PEPD: variants seen among roughly 807,000 people sequenced by gnomAD.
The protein encoded by PEPD is xaa-Pro dipeptidase.
In PEPD, 53 loss-of-function variants were observed where a neutral mutation model predicts 60.7. The observed-to-expected ratio is 0.87, with a 90% CI of 0.70 to 1.10. PEPD has a LOEUF of 1.10. Among genes scored for constraint, PEPD ranks in the 50% least tolerant of loss-of-function variants. PEPD has a pLI of 0.00. For synonymous variants in PEPD, 267 were observed against 284.1 expected, an observed-to-expected ratio of 0.94 and a Z score of 0.60; for missense variants, 711 against 711.9, an observed-to-expected ratio of 1.00 and a Z score of 0.01.
intron 3 of PEPD, among the ~76,000 whole-genome samples, chr19:33,510,120 G>A (rs756205033): frequency 6.6e-6 from 1 of 152,218 alleles, no homozygotes; most frequent in Non-Finnish European, 1.5e-5. Context: ...AAACCCTCAG[G>A]CATTTTCACA....
At chr19:33,388,681 T>C (rs980488997) in intron 13 of PEPD, 1 of 187,218 alleles carries the variant, frequency 5.3e-6, no homozygotes, top group Non-Finnish European at 1.1e-5. Flanking sequence ...GCTTGGCAGG[T>C]GTGGCTCCCA....
At chr19:33,441,104 C>A (rs1969472388) in intron 9 of PEPD, among the ~76,000 whole-genome samples, 1 of 152,202 alleles carries the variant, frequency 6.6e-6, no homozygotes, top group Admixed American at 6.5e-5. Flanking sequence ...TTAGATGGTT[C>A]TGGCCCCACC....
At chr19:33,505,285 C>T (rs547136591) in intron 3 of PEPD, among the ~76,000 whole-genome samples, 3 of 152,232 alleles carry the variant, frequency 2.0e-5, no homozygotes, top group African/African-American at 4.8e-5. Flanking sequence ...ATTTGCTCTG[C>T]GGTGGAAGCC....
chr19:33,488,655 T>C (rs915755458), intron 6 of PEPD, among the ~76,000 whole-genome samples: 1 of 152,132 alleles, frequency 6.6e-6, no homozygotes, highest in Admixed American at 6.5e-5. Context: ...CACGAAGATC[T>C]GTGCAGTGAA....
rs138631737 is a variant in PEPD, at chr19:33,421,333, C to T, written c.672-7690G>A. Among the ~76,000 whole-genome samples, 38 of 152,324 alleles carry T rather than the reference C, an allele frequency of 2.5e-4. No individual in the cohort carries two copies. The East Asian group carries it at 6.6e-3, about 26-fold the overall frequency. On this transcript the variant is annotated intron_variant, in intron 9 of 14. Transcript: ENST00000244137. ...GTCCTGAAACTTCCTCCTCTCCATACCTGTGAATGGGGCCCAAACTGGGCT... is the reference window on the plus strand; with the variant it reads ...GTCCTGAAACTTCCTCCTCTCCATATCTGTGAATGGGGCCCAAACTGGGCT...
At chr19:33,406,572 A>C (rs3786901) in intron 11 of PEPD, among the ~76,000 whole-genome samples, 69,362 of 152,152 alleles carry the variant, frequency 0.46, 16,793 homozygotes, top group African/African-American at 0.62. Context: ...CTGGGCTGGG[A>C]CAGGCAGCAG....
chr19:33,501,985 T>G (rs1970722005), intron 3 of PEPD, among the ~76,000 whole-genome samples: 1 of 152,178 alleles, frequency 6.6e-6, no homozygotes, highest in Non-Finnish European at 1.5e-5. Context: ...TGGATGAGGT[T>G]GGGCAGCCCT....
chr19:33,505,405 C>A (rs1329174167), intron 3 of PEPD, among the ~76,000 whole-genome samples: 1 of 152,094 alleles, frequency 6.6e-6, no homozygotes, highest in Non-Finnish European at 1.5e-5. Context: ...CTCACAGGGG[C>A]CACAGAGGGA....
intron 12 of PEPD, among the ~76,000 whole-genome samples, chr19:33,394,471 T>C (rs920367492): frequency 3.3e-5 from 5 of 152,336 alleles, no homozygotes; most frequent in East Asian, 1.9e-4. Context: ...CACAGCTCTC[T>C]TGGCCGGGAG....
intron 1 of PEPD, among the ~76,000 whole-genome samples, chr19:33,521,378 C>CG (rs1971129271): frequency 6.6e-6 from 1 of 152,238 alleles, no homozygotes; most frequent in South Asian, 2.1e-4. Flanking sequence ...TCTCGAATAC[C>CG]GCCTCCTCCG....
At chr19:33,436,867 G>A (rs1477488462) in intron 9 of PEPD, among the ~76,000 whole-genome samples, 3 of 152,168 alleles carry the variant, frequency 2.0e-5, no homozygotes, top group Non-Finnish European at 4.4e-5. Flanking sequence ...GTGATGCCTC[G>A]CTCACAGCAC....
At chr19:33,409,799 T>C (rs1968721359) in intron 11 of PEPD, among the ~76,000 whole-genome samples, 2 of 152,248 alleles carry the variant, frequency 1.3e-5, no homozygotes, top group African/African-American at 4.8e-5. Flanking sequence ...GCCAATTCTT[T>C]CCCCAAGTGC....
intron 9 of PEPD, among the ~76,000 whole-genome samples, chr19:33,447,103 C>T (rs548301803): frequency 2.0e-5 from 3 of 152,328 alleles, no homozygotes; most frequent in South Asian, 2.1e-4. Context: ...CCTGTGCCAC[C>T]GTGCTGCTTC....
intron 7 of PEPD, among the ~76,000 whole-genome samples, chr19:33,475,319 GC>G (rs1054988623): frequency 1.1e-4 from 17 of 151,836 alleles, no homozygotes; most frequent in Admixed American, 6.6e-5. Context: ...ATCATGGAAA[GC>G]CCACCCATTC....
intron 12 of PEPD, chr19:33,395,223 T>TA (rs1307383842): frequency 1.3e-5 from 2 of 152,490 alleles, no homozygotes; most frequent in Non-Finnish European, 2.9e-5. Flanking sequence ...CCTCTCTGAT[T>TA]ACCCCTTCCT....
chr19:33,428,997 T>C, intron 9 of PEPD, among the ~76,000 whole-genome samples: 1 of 152,212 alleles, frequency 6.6e-6, no homozygotes, highest in East Asian at 1.9e-4. Context: ...CTGCTTCCTC[T>C]TTCTGGGCAC....
intron 9 of PEPD, among the ~76,000 whole-genome samples, chr19:33,454,533 T>C (rs184653497): frequency 1.4e-3 from 206 of 150,908 alleles, no homozygotes; most frequent in African/African-American, 4.8e-3. Flanking sequence ...GCCCAGGACG[T>C]GGAGGTCGCA....
intron 4 of PEPD, among the ~76,000 whole-genome samples, chr19:33,497,923 G>A (rs1970636635): frequency 6.6e-6 from 1 of 152,136 alleles, no homozygotes; most frequent in African/African-American, 2.4e-5. Flanking sequence ...GCCTGGAGGG[G>A]AGGCCCCTGG....
At chr19:33,391,273 C>A (rs780688002) in intron 13 of PEPD, 22 bp downstream of exon 13, 2 of 1,591,612 alleles carry the variant, frequency 1.3e-6, no homozygotes, top group Non-Finnish European at 8.6e-7. Context: ...CAGGCCACTC[C>A]GCCTGCCATG....
Sources: allele counts gnomAD v4.1 joint callset (sites outside exome capture counted in the v4.1 genomes callset), GRCh38; gene constraint gnomAD v4.1.1; transcripts MANE v1.5; gene names NCBI Gene and HGNC (gene_info 2026-07-23, HGNC 2026-07-21).